The following PLCL1 variants were observed in gnomAD, a reference collection of about 807,000 sequenced individuals.
PLCL1 encodes the protein phospholipase C like 1 (inactive), also known as inactive phospholipase C-like protein 1.
A neutral mutation model predicts 84.4 loss-of-function variants in PLCL1; 41 were observed. The ratio of observed to expected loss-of-function variants is 0.49; its 90% CI spans 0.38 to 0.63. The LOEUF is 0.63. PLCL1 is among the 30% of genes least tolerant of loss of function. The probability of loss-of-function intolerance (pLI) is 0.00; values close to 1 mark genes in which losing one functional copy is unlikely to be tolerated. For synonymous variants in PLCL1, 490 were observed against 488.3 expected, an observed-to-expected ratio of 1.00 and a Z score of -0.05; for missense variants, 1,206 against 1,367.8, an observed-to-expected ratio of 0.88 and a Z score of 1.87.
In PLCL1 at chr2:197,868,621, T is replaced by A. The variant is rs543546383; in HGVS notation, c.240+63282T>A. Among the ~76,000 whole-genome samples the A allele has an allele frequency of 1.3e-4, 19 of 151,746 alleles. No homozygotes were observed. The South Asian group carries it at 4.0e-3, about 32-fold the overall frequency. ...CGCAAGTGATCCTCCCACCTCAGCC[T>A]CCCAAGTAGGTGGGACTAGAGATGC... On this transcript the variant is annotated intron_variant, in intron 1 of 5. Transcript: ENST00000428675.
At chr2:197,957,114 T>A (rs1184495711) in intron 1 of PLCL1, among the ~76,000 whole-genome samples, 2 of 152,048 alleles carry the variant, frequency 1.3e-5, no homozygotes, top group Non-Finnish European at 2.9e-5. Flanking sequence ...GCCCAACTAT[T>A]CAGGCCTTTT....
At chr2:197,862,998 G>A (rs1574918305) in intron 1 of PLCL1, among the ~76,000 whole-genome samples, 1 of 152,066 alleles carries the variant, frequency 6.6e-6, no homozygotes, top group Non-Finnish European at 1.5e-5. Flanking sequence ...CAAATGTAAC[G>A]TACATGTTCC....
chr2:197,883,093 G>T (rs1156465510), intron 1 of PLCL1, among the ~76,000 whole-genome samples: 1 of 152,138 alleles, frequency 6.6e-6, no homozygotes, highest in Non-Finnish European at 1.5e-5. Context: ...AGACATTGCA[G>T]ATGTTCTATA....
chr2:197,863,251 G>T (rs768616562), intron 1 of PLCL1, among the ~76,000 whole-genome samples: 1 of 151,628 alleles, frequency 6.6e-6, no homozygotes, highest in Non-Finnish European at 1.5e-5. Flanking sequence ...GACACTGAAT[G>T]TGATGAAAAG....
intron 1 of PLCL1, among the ~76,000 whole-genome samples, chr2:197,854,839 T>A (rs1246459498): frequency 1.3e-5 from 2 of 152,184 alleles, no homozygotes; most frequent in Non-Finnish European, 2.9e-5. Context: ...CTTTTTTTGG[T>A]ACTGTAATGC....
At chr2:198,061,309 A>G (rs976287499) in intron 1 of PLCL1, among the ~76,000 whole-genome samples, 3 of 152,186 alleles carry the variant, frequency 2.0e-5, no homozygotes, top group Admixed American at 2.0e-4. Flanking sequence ...TACCGATACA[A>G]TTTCTATTGT....
At chr2:197,971,639 T>C (rs1303905306) in intron 1 of PLCL1, among the ~76,000 whole-genome samples, 1 of 152,236 alleles carries the variant, frequency 6.6e-6, no homozygotes, top group Non-Finnish European at 1.5e-5. Context: ...TCCATGTGCA[T>C]AAAATCACAT....
chr2:197,864,806 C>G (rs936832427), intron 1 of PLCL1, among the ~76,000 whole-genome samples: 1 of 152,084 alleles, frequency 6.6e-6, no homozygotes, highest in Admixed American at 6.6e-5. Flanking sequence ...TTATTTCAAC[C>G]GGACACATTT....
chr2:197,922,771 A>G (rs865814052), intron 1 of PLCL1, among the ~76,000 whole-genome samples: 36 of 69,644 alleles, frequency 5.2e-4, no homozygotes, highest in African/African-American at 1.4e-3. Flanking sequence ...CTGGCCGGGC[A>G]GGGGGCTGAC....
chr2:197,892,664 G>A (rs767759677), intron 1 of PLCL1, among the ~76,000 whole-genome samples: 7 of 152,090 alleles, frequency 4.6e-5, no homozygotes, highest in Non-Finnish European at 7.4e-5. Flanking sequence ...CATATCTAAT[G>A]AGTATTTATG....
chr2:197,813,547 T>C (rs942125578), intron 1 of PLCL1, among the ~76,000 whole-genome samples: 1 of 152,142 alleles, frequency 6.6e-6, no homozygotes, highest in Admixed American at 6.5e-5. Context: ...TATTTTTATG[T>C]TTAATCTAAT....
Position 197,935,262 on chromosome 2 carries a change from C to T in PLCL1, c.240+129923C>T, listed in dbSNP as rs552919012. ...AAGAATTTAAAACAGAATTACCATT[C>T]TGTATACACCCAAAGGAATATAATT... is the stretch of plus-strand genomic sequence containing the variant. On this transcript the variant is annotated intron_variant, in intron 1 of 5. Transcript: ENST00000428675. Among the ~76,000 whole-genome samples, 82 of 152,086 alleles carry T rather than the reference C, an allele frequency of 5.4e-4. 1 individual carries two copies. The highest frequency in any genetic ancestry group is 1.3e-4 in the Admixed American group (2 of 15,282).
rs758051399 is a variant in PLCL1, at chr2:198,084,100, G to A, written c.583G>A (p.Gly195Arg). Residue 195 changes from glycine (G) to arginine (R), a missense_variant, in exon 2 of 6, where the codon GGG (glycine) becomes AGG (arginine). Coordinates refer to ENST00000428675, the MANE Select transcript of PLCL1 (RefSeq NM_006226.4). The stretch of plus-strand genomic sequence containing the variant: ...GGACTGTGCCTTTTCCATACTCCAC[G>A]GGGAAAACTATGAGTCTCTGGACCT... Reference protein sequence around the residue: ...CEDCAFSILHGENYESLDLVA... With the variant: ...CEDCAFSILHRENYESLDLVA... The A allele has an allele frequency of 1.3e-5, 21 of 1,613,990 alleles. No individual in the cohort carries two copies. Among genetic ancestry groups the A allele is most frequent in the South Asian group, 5.5e-5 (5 of 91,070 alleles).
At chr2:197,818,936 G>A (rs562490210) in intron 1 of PLCL1, among the ~76,000 whole-genome samples, 2 of 152,170 alleles carry the variant, frequency 1.3e-5, no homozygotes, top group South Asian at 2.1e-4. Context: ...CTGGGACAGG[G>A]GCTGGTGAGG....
Position 198,121,570 on chromosome 2 carries a change from C to T in PLCL1, c.3105+17634C>T, listed in dbSNP as rs193273809. ...ACCATTATTGAAGAGACTGTCTCTT[C>T]CCCATTGTATGTTCGTGGCACCTTT... On this transcript the variant is annotated intron_variant, in intron 5 of 5. Coordinates refer to ENST00000428675, the MANE Select transcript of PLCL1 (RefSeq NM_006226.4). 2.5e-3 allele frequency among the ~76,000 whole-genome samples: 379 copies of T among 152,112 alleles called. 1 individual carries two copies. The highest frequency in any genetic ancestry group is 4.4e-3 in the Non-Finnish European group (301 of 67,962).
chr2:197,911,820 C>T lies in PLCL1; in HGVS notation c.240+106481C>T, dbSNP rs373480288. Reference sequence around the variant, plus strand: ...TGCAACATAGCCTGTGCCTTTTGTCCCGAGTTCCAGTTTATGCTGCCCTTG... The same window carrying T: ...TGCAACATAGCCTGTGCCTTTTGTCTCGAGTTCCAGTTTATGCTGCCCTTG... On this transcript the variant is annotated intron_variant, in intron 1 of 5. Coordinates refer to ENST00000428675, the MANE Select transcript of PLCL1 (RefSeq NM_006226.4). Among the ~76,000 whole-genome samples, 214 of 152,224 alleles carry T rather than the reference C, an allele frequency of 1.4e-3. 4 individuals carry two copies. The Middle Eastern group carries it at 0.017, about 12-fold the overall frequency.
chr2:197,964,950 A>G (rs1031488500), intron 1 of PLCL1, among the ~76,000 whole-genome samples: 1 of 152,032 alleles, frequency 6.6e-6, no homozygotes, highest in Non-Finnish European at 1.5e-5. Flanking sequence ...ATGATGAATG[A>G]TTTTTTAATA....
At chr2:197,992,356 A>G (rs1244052632) in intron 1 of PLCL1, among the ~76,000 whole-genome samples, 3 of 151,958 alleles carry the variant, frequency 2.0e-5, no homozygotes, top group East Asian at 1.9e-4. Flanking sequence ...CCTTGACCTC[A>G]TGCGCTCAGG....
chr2:197,912,688 G>GC (rs1688506281), intron 1 of PLCL1, among the ~76,000 whole-genome samples: 1 of 143,120 alleles, frequency 7.0e-6, no homozygotes, highest in African/African-American at 2.6e-5. Flanking sequence ...GTAAACTATC[G>GC]CAAGAACAAA....
Sources: allele counts gnomAD v4.1 joint callset (sites outside exome capture counted in the v4.1 genomes callset), GRCh38; gene constraint gnomAD v4.1.1; transcripts MANE v1.5; gene names NCBI Gene and HGNC (gene_info 2026-07-23, HGNC 2026-07-21).